NETO1: variants seen among roughly 807,000 people sequenced by gnomAD.
NETO1 encodes the protein neuropilin and tolloid like 1, also known as neuropilin and tolloid-like protein 1.
In NETO1, 26 loss-of-function variants were observed where a neutral mutation model predicts 61.3. That is an observed-to-expected ratio of 0.42 (90% CI 0.31 to 0.59). NETO1 has a LOEUF of 0.59. Among genes scored for constraint, NETO1 ranks in the 20% least tolerant of loss-of-function variants. The pLI, the probability that NETO1 is intolerant of heterozygous loss-of-function variation, is 0.12. For synonymous variants in NETO1, 225 were observed against 225.8 expected, an observed-to-expected ratio of 1.00 and a Z score of 0.03; for missense variants, 531 against 662.8, an observed-to-expected ratio of 0.80 and a Z score of 2.18.
chr18:72,798,305 G>A (rs1302009885), intron 4 of NETO1, among the ~76,000 whole-genome samples: 3 of 152,170 alleles, frequency 2.0e-5, no homozygotes, highest in East Asian at 1.9e-4. Context: ...TAGGGTGCAC[G>A]CTCCTTATGA....
intron 4 of NETO1, among the ~76,000 whole-genome samples, chr18:72,809,600 T>C (rs909741647): frequency 2.0e-5 from 3 of 152,226 alleles, no homozygotes; most frequent in Admixed American, 6.5e-5. Flanking sequence ...ACCTCTTCGA[T>C]ACATGAATAA....
In NETO1 at chr18:72,846,222, C is replaced by T. The variant is rs188814232; in HGVS notation, c.469+12604G>A. On this transcript the variant is annotated intron_variant, in intron 4 of 10. Coordinates refer to ENST00000327305, the MANE Select transcript of NETO1 (RefSeq NM_138966.5). ...CTAGGAGTTGTCAATAAAAGAGATG[C>T]GGCCAGGCGCTGTGGCTCACACCTG... is the stretch of plus-strand genomic sequence containing the variant. Among the ~76,000 whole-genome samples the T allele has an allele frequency of 1.5e-4, 23 of 151,376 alleles. 1 individual carries two copies. Among genetic ancestry groups the T allele is most frequent in the Non-Finnish European group, 2.9e-4 (20 of 67,866 alleles).
chr18:72,867,091 A>C, intron 1 of NETO1, 173 bp downstream of exon 1: 1 of 500,552 alleles, frequency 2.0e-6, no homozygotes, highest in Non-Finnish European at 3.3e-6. Flanking sequence ...CGCCGCCCCC[A>C]CGCCCGGTTC....
rs914711793 is a variant in NETO1, at chr18:72,745,516, A to G, written c.*2663T>C. 6.6e-6 allele frequency: 1 copy of G among 152,220 alleles called. No homozygotes were observed. Among genetic ancestry groups the G allele is most frequent in the African/African-American group, 2.4e-5 (1 of 41,452 alleles). 9.4% of individuals were successfully genotyped at this position (152,220 alleles called of 1,614,324 possible). On this transcript the variant is annotated 3_prime_UTR_variant, in exon 11 of 11. Coordinates refer to ENST00000327305, the MANE Select transcript of NETO1 (RefSeq NM_138966.5). ...TCAATAAAGCACTTGGGTTGGTAAT[A>G]TTTGAATTCACTTTATCAAAAAATA...
At chr18:72,774,649 G>A (rs2071484527) in intron 7 of NETO1, among the ~76,000 whole-genome samples, 1 of 152,032 alleles carries the variant, frequency 6.6e-6, no homozygotes, top group South Asian at 2.1e-4. Context: ...ATGTTTCTTG[G>A]TATTTGTGGC....
chr18:72,768,848 A>G (rs1381690684), intron 7 of NETO1, among the ~76,000 whole-genome samples: 1 of 152,124 alleles, frequency 6.6e-6, no homozygotes, highest in Non-Finnish European at 1.5e-5. Context: ...GCCCAGTAAA[A>G]CCTGTTTTAG....
chr18:72,834,757 A>G (rs1225301038), intron 4 of NETO1: 1 of 984,990 alleles, frequency 1.0e-6, no homozygotes, highest in East Asian at 1.1e-4. Flanking sequence ...TGTGTTAAAT[A>G]CATGTTAATT....
chr18:72,755,132 C>A lies in NETO1; in HGVS notation c.982+902G>T, dbSNP rs541698123. On this transcript the variant is annotated intron_variant, in intron 8 of 10. Coordinates refer to ENST00000327305, the MANE Select transcript of NETO1 (RefSeq NM_138966.5). ...CACATGGGACCACGTTTATATAGGG[C>A]AAAACAAAGCCAGTGGTGACCACGA... Among the ~76,000 whole-genome samples, 14 of 152,280 alleles carry A rather than the reference C, an allele frequency of 9.2e-5. No individual in the cohort carries two copies. In the East Asian group the frequency reaches 2.5e-3, roughly 27 times the overall value.
At chr18:72,835,983 C>A (rs995379328) in intron 4 of NETO1, among the ~76,000 whole-genome samples, 21 of 152,262 alleles carry the variant, frequency 1.4e-4, no homozygotes, top group African/African-American at 5.1e-4. Context: ...TGAGACGGGG[C>A]AGCTTCTTGG....
chr18:72,800,085 C>G (rs900746005), intron 4 of NETO1, among the ~76,000 whole-genome samples: 1 of 152,228 alleles, frequency 6.6e-6, no homozygotes, highest in African/African-American at 2.4e-5. Context: ...TTCTTTCTCA[C>G]AGCTGGTGCA....
chr18:72,837,729 ATTTCCT>A (rs1194545142), intron 4 of NETO1, among the ~76,000 whole-genome samples: 1 of 152,180 alleles, frequency 6.6e-6, no homozygotes, highest in Non-Finnish European at 1.5e-5. Context: ...CTAATGTAGA[ATTTCCT>A]TTTCCTTGTC....
chr18:72,834,159 AAACATTTT>A, intron 4 of NETO1: 1 of 732,496 alleles, frequency 1.4e-6, no homozygotes, highest in South Asian at 6.3e-5. Flanking sequence ...TTTGTTTAAA[AAACATTTT>A]AATATTTTAA....
Position 72,783,835 on chromosome 18 carries a change from A to G in NETO1, c.711T>C (p.Tyr237=). ...NECKRNFVAV[Y]DGSSSVEDLK... is the part of the protein sequence containing the mutation. ...AATCCTCCACGGAACTGCTTCCATC[A>G]TACACAGCCACAAAATTCCTCTTGC... The change falls in exon 7 of 11, where the codon TAT becomes TAC. Residue 237 remains tyrosine, a synonymous_variant. Coordinates refer to ENST00000327305, the MANE Select transcript of NETO1 (RefSeq NM_138966.5). The G allele has an allele frequency of 1.2e-6, 2 of 1,614,194 alleles. No individual in the cohort carries two copies. The highest frequency in any genetic ancestry group is 1.7e-6 in the Non-Finnish European group (2 of 1,180,028).
At chr18:72,801,375 T>C (rs1329164810) in intron 4 of NETO1, among the ~76,000 whole-genome samples, 1 of 152,216 alleles carries the variant, frequency 6.6e-6, no homozygotes, top group Non-Finnish European at 1.5e-5. Flanking sequence ...ACTATTTTCA[T>C]AATAATACTA....
intron 4 of NETO1, among the ~76,000 whole-genome samples, chr18:72,802,377 C>A (rs2072536151): frequency 6.6e-6 from 1 of 152,186 alleles, no homozygotes; most frequent in African/African-American, 2.4e-5. Flanking sequence ...CAGGACACTG[C>A]CACTTTCCCA....
intron 6 of NETO1, among the ~76,000 whole-genome samples, chr18:72,792,905 C>T (rs1387365129): frequency 1.3e-5 from 2 of 152,032 alleles, no homozygotes; most frequent in Non-Finnish European, 2.9e-5. Context: ...GCCTTGTCAA[C>T]TTGTCTTCTT....
At position 72,772,227 on chromosome 18, in the gene NETO1, A is replaced by T. The variant is rs118070037; in HGVS notation, c.868+11451T>A. Among the ~76,000 whole-genome samples the T allele has an allele frequency of 7.2e-4, 110 of 152,146 alleles. No homozygotes were observed. In the East Asian group the frequency reaches 0.016, roughly 23 times the overall value. On this transcript the variant is annotated intron_variant, in intron 7 of 10. Transcript: ENST00000327305. Reference sequence around the variant, plus strand: ...TGTTCACTACAGTTAAAAATCTCTGATTTCTTTCATCTCTAACCATTAGAT... The same window carrying T: ...TGTTCACTACAGTTAAAAATCTCTGTTTTCTTTCATCTCTAACCATTAGAT...
At chr18:72,843,796 C>T (rs910910040) in intron 4 of NETO1, among the ~76,000 whole-genome samples, 2 of 152,206 alleles carry the variant, frequency 1.3e-5, no homozygotes, top group Non-Finnish European at 1.5e-5. Flanking sequence ...CGCCAAAAAA[C>T]TGGTGCCAAT....
intron 8 of NETO1, among the ~76,000 whole-genome samples, chr18:72,752,837 T>C (rs2070667014): frequency 6.6e-6 from 1 of 152,026 alleles, no homozygotes; most frequent in Admixed American, 6.6e-5. Flanking sequence ...AAATGTAAAG[T>C]CTAGAATTGA....
Sources: allele counts gnomAD v4.1 joint callset (sites outside exome capture counted in the v4.1 genomes callset), GRCh38; gene constraint gnomAD v4.1.1; transcripts MANE v1.5; gene names NCBI Gene and HGNC (gene_info 2026-07-23, HGNC 2026-07-21).